The following TCF7L2 variants were observed in gnomAD, a reference collection of about 807,000 sequenced individuals.
TCF7L2 encodes the protein transcription factor 7 like 2, also known as transcription factor 7-like 2.
Under a neutral mutation model 77.9 loss-of-function variants are expected in TCF7L2, and 23 were observed. The observed-to-expected ratio is 0.30, with a 90% confidence interval of 0.21 to 0.42. The LOEUF is 0.42. Ranked by LOEUF, TCF7L2 falls within the 10% of genes least tolerant of loss-of-function variation. The pLI is 1.00. For synonymous variants in TCF7L2, 413 were observed against 340.2 expected (o/e 1.21, Z -2.36); for missense variants, 654 against 793.1 (o/e 0.82, Z 2.11).
intron 5 of TCF7L2, among the ~76,000 whole-genome samples, chr10:113,097,659 A>AACAAAAAAAAAAAACAAAAC (rs1244007508): frequency 3.5e-5 from 5 of 142,180 alleles, no homozygotes; most frequent in African/African-American, 1.0e-4. Flanking sequence ...AAAAAAAAAA[A>AACAAAAAAAAAAAACAAAAC]AAAAAAAAAA....
chr10:112,964,770 TGG>T (rs2036195324), intron 4 of TCF7L2, 146 bp downstream of exon 4: 1 of 383,994 alleles, frequency 2.6e-6, no homozygotes, highest in African/African-American at 3.4e-5. Flanking sequence ...ATGGTGGTGG[TGG>T]TGGTGATGGT....
chr10:113,063,009 G>A, intron 5 of TCF7L2, among the ~76,000 whole-genome samples: 1 of 152,174 alleles, frequency 6.6e-6, no homozygotes, highest in East Asian at 1.9e-4. Flanking sequence ...ATTCGAGGAA[G>A]CAATGCACGG....
intron 4 of TCF7L2, among the ~76,000 whole-genome samples, chr10:113,014,219 C>T (rs778500851): frequency 5.3e-5 from 8 of 152,192 alleles, no homozygotes; most frequent in Non-Finnish European, 8.8e-5. Flanking sequence ...AAAATGTCCA[C>T]GCTCTGCATT....
intron 5 of TCF7L2, among the ~76,000 whole-genome samples, chr10:113,050,675 A>G (rs904595582): frequency 6.6e-6 from 1 of 152,208 alleles, no homozygotes; most frequent in African/African-American, 2.4e-5. Flanking sequence ...CCCTTCAGCC[A>G]AAGCTCATAA....
chr10:113,014,613 C>T (rs149411468), intron 4 of TCF7L2, among the ~76,000 whole-genome samples: 2,952 of 151,842 alleles, frequency 0.019, 100 homozygotes, highest in African/African-American at 0.067. Context: ...GGCGAAACCC[C>T]GTCTCTACTA....
Position 112,950,843 on chromosome 10 carries a change from G to C in TCF7L2, c.87G>C (p.Glu29Asp), listed in dbSNP as rs2134177507. Residue 29 changes from glutamate (E) to aspartate (D), a missense_variant, in exon 1 of 14, where the codon GAG becomes GAC. Glu to Asp is a conservative substitution (Grantham distance 45). Transcript: ENST00000627217. Reference sequence around the variant, plus strand: ...TCAAAGACGAGGGCGAACAGGAGGAGAAGAGCTCCGAAAACTCCTCGGCAG... The same window carrying C: ...TCAAAGACGAGGGCGAACAGGAGGACAAGAGCTCCGAAAACTCCTCGGCAG... The C allele has an allele frequency of 6.2e-7, 1 of 1,608,864 alleles. No homozygotes were observed. The highest frequency in any genetic ancestry group is 8.5e-7 in the Non-Finnish European group (1 of 1,177,600).
intron 3 of TCF7L2, among the ~76,000 whole-genome samples, chr10:112,962,350 C>G (rs1213785338): frequency 7.2e-6 from 1 of 138,906 alleles, no homozygotes; most frequent in Non-Finnish European, 1.5e-5. Flanking sequence ...AAGAGAGGGA[C>G]AAGTTGTTAG....
chr10:113,141,111 G>C (rs994815229), intron 5 of TCF7L2, 73 bp from the exon 6 acceptor site: 4 of 1,577,990 alleles, frequency 2.5e-6, no homozygotes, highest in Non-Finnish European at 3.5e-6. Context: ...GGGAACCCAC[G>C]GGCCCGGTGC....
chr10:113,016,764 C>T (rs2047402825), intron 4 of TCF7L2, among the ~76,000 whole-genome samples: 1 of 151,792 alleles, frequency 6.6e-6, no homozygotes, highest in Non-Finnish European at 1.5e-5. Context: ...ATTTGATTTA[C>T]TTTCCCCCTT....
intron 4 of TCF7L2, chr10:112,987,542 A>G (rs2041783643): frequency 6.6e-6 from 1 of 152,110 alleles, no homozygotes; most frequent in Non-Finnish European, 1.5e-5. Flanking sequence ...AAAGAGAAGC[A>G]AACACCAGGT....
intron 4 of TCF7L2, among the ~76,000 whole-genome samples, chr10:113,024,497 A>G (rs1012616169): frequency 1.3e-5 from 2 of 152,176 alleles, no homozygotes; most frequent in Non-Finnish European, 2.9e-5. Flanking sequence ...CTTGGGGCTG[A>G]AAGTGTTTTG....
At chr10:112,998,870 TATCAC>T (rs2043975214) in intron 4 of TCF7L2, among the ~76,000 whole-genome samples, 1 of 152,272 alleles carries the variant, frequency 6.6e-6, no homozygotes, top group Admixed American at 6.5e-5. Flanking sequence ...TTTTCTTGGT[TATCAC>T]ATCACATCAA....
In TCF7L2 at chr10:113,151,180, T is replaced by TG; in HGVS notation, c.1001+58dup. 1 of 1,610,046 alleles carries TG rather than the reference T, an allele frequency of 6.2e-7. No individual in the cohort carries two copies. The highest frequency in any genetic ancestry group is 8.5e-7 in the Non-Finnish European group (1 of 1,177,022). ...TAGCCGCAGTGTTCTGCAAGCCTGT[T>TG]GCAGCTGCTGGGTGGTGGCTTTCTG... On this transcript the variant is annotated intron_variant, in intron 9 of 13. Coordinates refer to ENST00000627217, the MANE Select transcript of TCF7L2 (RefSeq NM_001146274.2). The surrounding 1 kb of genome is among the most constrained non-coding windows in gnomAD (Gnocchi z 5.2).
At chr10:113,158,158 A>C in intron 12 of TCF7L2, 89 bp downstream of exon 12, 1 of 1,407,858 alleles carries the variant, frequency 7.1e-7, no homozygotes, top group Non-Finnish European at 9.8e-7. Flanking sequence ...AGGCAGGAGA[A>C]ATTCAAGGCC....
chr10:112,991,725 C>G (rs1339297331), intron 4 of TCF7L2, among the ~76,000 whole-genome samples: 2 of 152,110 alleles, frequency 1.3e-5, no homozygotes, highest in African/African-American at 4.8e-5. Flanking sequence ...GGAGAAGGCC[C>G]CTGTCGGTCT....
At position 113,166,302 on chromosome 10, in the gene TCF7L2, T is replaced by C; in HGVS notation, c.*330T>C. The C allele has an allele frequency of 4.0e-6, 1 of 248,670 alleles. No individual in the cohort carries two copies. Among genetic ancestry groups the C allele is most frequent in the East Asian group, 6.0e-5 (1 of 16,748 alleles). 15.4% of individuals were successfully genotyped at this position (248,670 alleles called of 1,614,324 possible). Reference sequence around the variant, plus strand: ...GATAGCTTAGTTTTAAAAGACTGATTAAAAAACAAAAAGAAAAAAAAAGCA... The same window carrying C: ...GATAGCTTAGTTTTAAAAGACTGATCAAAAAACAAAAAGAAAAAAAAAGCA... On this transcript the variant is annotated 3_prime_UTR_variant, in exon 14 of 14. Transcript: ENST00000627217.
intron 13 of TCF7L2, among the ~76,000 whole-genome samples, chr10:113,162,874 C>A (rs2073394405): frequency 6.6e-6 from 1 of 152,120 alleles, no homozygotes; most frequent in Admixed American, 6.5e-5. Context: ...GAGGCCACTC[C>A]TCTGAATCGA....
At chr10:113,011,946 A>G (rs578133389) in intron 4 of TCF7L2, among the ~76,000 whole-genome samples, 95 of 152,134 alleles carry the variant, frequency 6.2e-4, no homozygotes, top group African/African-American at 2.1e-3. Flanking sequence ...ATTGCTGTTG[A>G]GCATTACTAC....
In TCF7L2 at chr10:113,023,126, G is replaced by A. The variant is rs116255479; in HGVS notation, c.451-16899G>A. Among the ~76,000 whole-genome samples the A allele has an allele frequency of 2.7e-3, 412 of 152,270 alleles. 1 individual carries two copies. Among genetic ancestry groups the A allele is most frequent in the African/African-American group, 9.4e-3 (389 of 41,556 alleles). On this transcript the variant is annotated intron_variant, in intron 4 of 13. Coordinates refer to ENST00000627217, the MANE Select transcript of TCF7L2 (RefSeq NM_001146274.2). ...GTTTCCTGGGCACATTGGCATTAAA[G>A]GCATAGTGTGAAGTGCCATTCAAGA...
Sources: gnomAD v4.1 joint callset for allele counts (sites outside exome capture counted in the v4.1 genomes callset) on GRCh38, gnomAD v4.1.1 for gene constraint, Gnocchi (gnomAD v3.1) non-coding constraint, MANE v1.5 for transcripts, NCBI Gene and HGNC (gene_info 2026-07-23, HGNC 2026-07-21) for gene names.